ARIH1: variants seen among roughly 807,000 people sequenced by gnomAD.
The protein encoded by ARIH1 is ariadne RBR E3 ubiquitin protein ligase 1.
ARIH1 carries 8 observed loss-of-function variants against 85.0 expected under a neutral mutation model. That is an observed-to-expected ratio of 0.09 (90% confidence interval 0.06 to 0.17). The LOEUF (loss-of-function observed/expected upper bound fraction) is 0.17, where lower values mean the gene tolerates loss of function less well. Among genes scored for constraint, ARIH1 ranks in the 10% least tolerant of loss-of-function variants. The pLI is 1.00. For synonymous variants in ARIH1, 238 were observed against 253.6 expected (o/e 0.94, Z 0.59); for missense variants, 311 against 718.1 (o/e 0.43, Z 6.48).
At chr15:72,556,505 G>A (rs1467907198) in intron 5 of ARIH1, among the ~76,000 whole-genome samples, 1 of 152,324 alleles carries the variant, frequency 6.6e-6, no homozygotes, top group Admixed American at 6.5e-5. Flanking sequence ...CACTGCTGCT[G>A]ATTTCAGATA....
chr15:72,572,906 G>A (rs2140436870), intron 11 of ARIH1, among the ~76,000 whole-genome samples: 1 of 152,278 alleles, frequency 6.6e-6, no homozygotes, highest in South Asian at 2.1e-4. Context: ...TGCTAGGTAG[G>A]GAAATGACCC....
rs777749802 is a variant in ARIH1, at chr15:72,563,453, A to C, written c.864A>C (p.Gln288His). 4 of 1,614,130 alleles carry C rather than the reference A, an allele frequency of 2.5e-6. No homozygotes were observed. The highest frequency in any genetic ancestry group is 3.4e-6 in the Non-Finnish European group (4 of 1,180,000). The change falls in exon 7 of 14, where the codon CAA becomes CAC. Residue 288 changes from glutamine (Q) to histidine (H), a missense_variant. Coordinates refer to ENST00000379887, the MANE Select transcript of ARIH1 (RefSeq NM_005744.5). ...ATTGCCACCATGTTGTTAAAGTCCA[A>C]TATCCTGATGCTAAACCTGTTCGCT... ...APDCHHVVKV[Q>H]YPDAKPVRCK...
intron 3 of ARIH1, 60 bp downstream of exon 3, chr15:72,545,024 T>C: frequency 1.4e-6 from 2 of 1,431,582 alleles, no homozygotes; most frequent in Non-Finnish European, 1.9e-6. Flanking sequence ...TAAATCAACT[T>C]CCATTATTTA....
At chr15:72,515,723 T>G (rs1293267836) in intron 1 of ARIH1, among the ~76,000 whole-genome samples, 1 of 152,214 alleles carries the variant, frequency 6.6e-6, no homozygotes, top group East Asian at 1.9e-4. Context: ...CTTTGGTTGA[T>G]CTAGCACTTG....
At chr15:72,571,785 G>A (rs1362214183) in intron 10 of ARIH1, among the ~76,000 whole-genome samples, 1 of 152,172 alleles carries the variant, frequency 6.6e-6, no homozygotes, top group Non-Finnish European at 1.5e-5. Flanking sequence ...GTTCTAGAAG[G>A]ACAGTGTTTT....
chr15:72,506,425 AT>A (rs1213377780), intron 1 of ARIH1, among the ~76,000 whole-genome samples: 2 of 146,802 alleles, frequency 1.4e-5, no homozygotes, highest in African/African-American at 4.9e-5. Flanking sequence ...TATTAAGGAG[AT>A]TGGATATTTT....
rs1362754419 is a variant in ARIH1 at position 72,596,985 on chromosome 15, T to G, written c.*13693T>G. The stretch of plus-strand genomic sequence containing the variant: ...AATCAGTTATTTTAAGGATCCAAAC[T>G]GATAATTCAACATCTGGGTCTTTTC... On this transcript the variant is annotated 3_prime_UTR_variant, in exon 14 of 14. Coordinates refer to ENST00000379887, the MANE Select transcript of ARIH1 (RefSeq NM_005744.5). 1.3e-5 allele frequency: 2 copies of G among 152,168 alleles called. No homozygotes were observed. Among genetic ancestry groups the G allele is most frequent in the African/African-American group, 4.8e-5 (2 of 41,448 alleles). 9.4% of individuals were successfully genotyped at this position (152,168 alleles called of 1,614,324 possible). A position where few individuals can be genotyped will look rare whatever the true frequency, so the allele number is the denominator to read the frequency against.
intron 1 of ARIH1, among the ~76,000 whole-genome samples, chr15:72,484,604 C>G (rs1484042092): frequency 6.6e-6 from 1 of 151,124 alleles, no homozygotes; most frequent in Non-Finnish European, 1.5e-5. Flanking sequence ...TAACTCATTC[C>G]CTTTTATGGC....
chr15:72,537,702 G>T (rs1054960070), intron 2 of ARIH1, among the ~76,000 whole-genome samples: 2 of 152,116 alleles, frequency 1.3e-5, no homozygotes, highest in African/African-American at 4.8e-5. Flanking sequence ...GGTTAATGTG[G>T]CTGGGGGGAG....
intron 1 of ARIH1, among the ~76,000 whole-genome samples, chr15:72,480,798 C>T (rs930281112): frequency 2.0e-5 from 3 of 152,182 alleles, no homozygotes; most frequent in Admixed American, 6.5e-5. Flanking sequence ...CTCCCGACCT[C>T]AGGTGATCTG....
At chr15:72,519,717 C>T (rs988670334) in intron 2 of ARIH1, among the ~76,000 whole-genome samples, 1 of 152,030 alleles carries the variant, frequency 6.6e-6, no homozygotes, top group Non-Finnish European at 1.5e-5. Flanking sequence ...CTCCCAACCT[C>T]AGGTGATCTG....
rs1459785018 is a variant in ARIH1, at chr15:72,544,818, A to G, written c.444-2A>G. On this transcript the variant is annotated splice_acceptor_variant, in intron 2 of 13. Coordinates refer to ENST00000379887, the MANE Select transcript of ARIH1 (RefSeq NM_005744.5). LOFTEE classifies it high-confidence loss of function. ...CTTATCCTTTCTGTTTAAATAATGCAGGTACTTTGATGGAAACCTGGAGAA... is the reference window on the plus strand; with the variant it reads ...CTTATCCTTTCTGTTTAAATAATGCGGGTACTTTGATGGAAACCTGGAGAA... The G allele has an allele frequency of 6.2e-7, 1 of 1,610,730 alleles. No individual in the cohort carries two copies. Among genetic ancestry groups the G allele is most frequent in the Non-Finnish European group, 8.5e-7 (1 of 1,177,644 alleles).
chr15:72,541,426 A>G (rs181725988), intron 2 of ARIH1, among the ~76,000 whole-genome samples: 5 of 152,352 alleles, frequency 3.3e-5, no homozygotes, highest in Non-Finnish European at 7.3e-5. Context: ...TAAGTAAATT[A>G]AAAGATACTT....
intron 1 of ARIH1, among the ~76,000 whole-genome samples, chr15:72,498,129 T>A (rs186762868): frequency 2.8e-3 from 429 of 152,308 alleles, no homozygotes; most frequent in Non-Finnish European, 5.3e-3. Flanking sequence ...AAGGGGAGTC[T>A]TAAGGAGGTG....
intron 2 of ARIH1, among the ~76,000 whole-genome samples, chr15:72,519,491 T>G (rs1364172572): frequency 1.5e-4 from 20 of 137,844 alleles, no homozygotes; most frequent in African/African-American, 2.9e-4. Context: ...TTTTTTTTTT[T>G]TTTTTTTTTG....
intron 2 of ARIH1, among the ~76,000 whole-genome samples, chr15:72,540,279 AAAATT>A (rs2064101167): frequency 6.6e-6 from 1 of 151,402 alleles, no homozygotes; most frequent in Non-Finnish European, 1.5e-5. Flanking sequence ...AAAAAAAAAA[AAAATT>A]AGTGAAAAAA....
At chr15:72,572,231 A>T in intron 11 of ARIH1, 66 bp downstream of exon 11, 2 of 1,106,940 alleles carry the variant, frequency 1.8e-6, no homozygotes, top group African/African-American at 1.8e-5. Flanking sequence ...TATTCATTAG[A>T]GAATAATTTT....
intron 1 of ARIH1, among the ~76,000 whole-genome samples, chr15:72,476,278 G>A (rs923766405): frequency 1.3e-5 from 2 of 152,174 alleles, no homozygotes; most frequent in African/African-American, 2.4e-5. Context: ...AAAAATCTCT[G>A]ATATCTAGTG....
At chr15:72,493,074 G>T (rs1356643137) in intron 1 of ARIH1, among the ~76,000 whole-genome samples, 1 of 152,054 alleles carries the variant, frequency 6.6e-6, no homozygotes, top group Non-Finnish European at 1.5e-5. Context: ...GTCTACTCTG[G>T]CTAAACCTTC....
Sources: allele counts gnomAD v4.1 joint callset (sites outside exome capture counted in the v4.1 genomes callset), GRCh38; gene constraint gnomAD v4.1.1; transcripts MANE v1.5; gene names NCBI Gene and HGNC (gene_info 2026-07-23, HGNC 2026-07-21).